ITPRID1: variants seen among roughly 807,000 people sequenced by gnomAD.
The protein encoded by ITPRID1 is ITPR interacting domain containing 1, also known as protein ITPRID1.
A neutral mutation model predicts 95.4 loss-of-function variants in ITPRID1; 96 were observed. The observed-to-expected ratio is 1.01, with a 90% CI of 0.85 to 1.19. ITPRID1 has a LOEUF of 1.19. Among genes scored for constraint, ITPRID1 ranks in the 50% most tolerant of loss-of-function variants. The pLI, the probability that ITPRID1 is intolerant of heterozygous loss-of-function variation, is 0.00. For missense variants in ITPRID1, 1,339 were observed against 1,252.9 expected, an observed-to-expected ratio of 1.07 and a Z score of -1.04; for synonymous variants, 510 against 453.6, an observed-to-expected ratio of 1.12 and a Z score of -1.58.
chr7:31,613,342 T>C (rs923320472), intron 10 of ITPRID1, among the ~76,000 whole-genome samples: 4 of 152,160 alleles, frequency 2.6e-5, no homozygotes, highest in Non-Finnish European at 5.9e-5. Context: ...TTTCTAGGGT[T>C]TTGAAAAAGT....
chr7:31,650,782 G>A (rs562205547), intron 12 of ITPRID1, among the ~76,000 whole-genome samples: 11 of 152,164 alleles, frequency 7.2e-5, no homozygotes, highest in Non-Finnish European at 1.2e-4. Flanking sequence ...AGTTAAACAA[G>A]ATTAAACAGA....
At chr7:31,556,201 G>C (rs539584554) in intron 5 of ITPRID1, among the ~76,000 whole-genome samples, 1 of 152,100 alleles carries the variant, frequency 6.6e-6, no homozygotes, top group East Asian at 1.9e-4. Flanking sequence ...CAGACATGAA[G>C]TAAAGACCTG....
chr7:31,563,986 A>G (rs1402593884), intron 5 of ITPRID1, among the ~76,000 whole-genome samples: 3 of 152,206 alleles, frequency 2.0e-5, no homozygotes, highest in Non-Finnish European at 4.4e-5. Flanking sequence ...AGTTAAATCT[A>G]CAGAAAGCTG....
intron 12 of ITPRID1, among the ~76,000 whole-genome samples, chr7:31,645,748 TCA>T (rs1196448872): frequency 6.6e-6 from 1 of 152,102 alleles, no homozygotes; most frequent in Non-Finnish European, 1.5e-5. Context: ...TTTTTAGTTG[TCA>T]CAACGGGAGG....
chr7:31,598,427 G>C (rs1476159234), intron 10 of ITPRID1, among the ~76,000 whole-genome samples: 5 of 127,160 alleles, frequency 3.9e-5, no homozygotes, highest in African/African-American at 1.6e-4. Context: ...TTTTTGAGAC[G>C]GAGTCTCGCT....
intron 1 of ITPRID1, among the ~76,000 whole-genome samples, chr7:31,544,551 T>C (rs1784035309): frequency 1.3e-5 from 2 of 152,104 alleles, no homozygotes; most frequent in African/African-American, 4.8e-5. Context: ...CCAAGAAGCT[T>C]TTTTTATACC....
At chr7:31,597,346 G>A (rs543265841) in intron 10 of ITPRID1, among the ~76,000 whole-genome samples, 1 of 151,912 alleles carries the variant, frequency 6.6e-6, no homozygotes, top group African/African-American at 2.4e-5. Flanking sequence ...TTGCAGACAA[G>A]ATAACTGTCT....
intron 10 of ITPRID1, among the ~76,000 whole-genome samples, chr7:31,622,353 G>T (rs1787996607): frequency 6.6e-6 from 1 of 152,020 alleles, no homozygotes; most frequent in African/African-American, 2.4e-5. Context: ...CCAGATAGTT[G>T]GAAGTAAAGC....
intron 14 of ITPRID1, 41 bp downstream of exon 14, chr7:31,652,091 A>G: frequency 7.4e-7 from 1 of 1,352,670 alleles, no homozygotes; most frequent in Non-Finnish European, 1.0e-6. Flanking sequence ...TATCCAGCCT[A>G]CCACAGGAGA....
intron 1 of ITPRID1, among the ~76,000 whole-genome samples, chr7:31,521,663 C>CTTTA (rs1562544827): frequency 8.3e-6 from 1 of 121,034 alleles, no homozygotes; most frequent in Admixed American, 8.5e-5. Context: ...TCCTTCCTTC[C>CTTTA]TTCCTTCCTT....
At chr7:31,618,715 C>T (rs191423295) in intron 10 of ITPRID1, among the ~76,000 whole-genome samples, 128 of 152,228 alleles carry the variant, frequency 8.4e-4, no homozygotes, top group Non-Finnish European at 1.6e-3. Context: ...AGTGAGGAAA[C>T]CAAGGCTCTT....
At chr7:31,651,116 T>C (rs1790906536) in intron 12 of ITPRID1, 26 bp from the exon 13 acceptor site, 2 of 1,605,988 alleles carry the variant, frequency 1.2e-6, no homozygotes. Context: ...AGGACTTTCT[T>C]CTCAGTTCTT....
At position 31,643,456 on chromosome 7, in the gene ITPRID1, G is replaced by A. The variant is rs1054318987; in HGVS notation, c.2086G>A (p.Glu696Lys). Residue 696 changes from glutamate to lysine, a missense_variant, in exon 12 of 15, where the codon GAA becomes AAA. Physicochemically the swap from Glu to Lys is moderately conservative, Grantham distance 56. Transcript: ENST00000615280. ...QILPGTEAEM[E>K]NLPLNTGSSR... ...ACTACCTGGGACAGAAGCTGAGATG[G>A]AAAACCTTCCTCTAAATACTGGCAG... The A allele has an allele frequency of 6.2e-7, 1 of 1,613,992 alleles. No homozygotes were observed. The highest frequency in any genetic ancestry group is 8.5e-7 in the Non-Finnish European group (1 of 1,179,892).
chr7:31,554,277 T>G (rs1421131361), intron 3 of ITPRID1, 198 bp from the exon 4 acceptor site: 1 of 972,674 alleles, frequency 1.0e-6, no homozygotes, highest in African/African-American at 1.6e-5. Context: ...TTGACAAGTT[T>G]ACACTTCATT....
At chr7:31,626,188 T>C (rs371517152) in intron 10 of ITPRID1, among the ~76,000 whole-genome samples, 23 of 152,346 alleles carry the variant, frequency 1.5e-4, no homozygotes, top group African/African-American at 5.5e-4. Flanking sequence ...TTGGGCTTTC[T>C]TTTTGTAAAA....
chr7:31,657,607 C>A (rs1791362578), downstream of ITPRID1, among the ~76,000 whole-genome samples: 1 of 152,156 alleles, frequency 6.6e-6, no homozygotes, highest in Non-Finnish European at 1.5e-5. Context: ...TGGCAAGAGC[C>A]CTTCTGCAGT....
intron 10 of ITPRID1, among the ~76,000 whole-genome samples, chr7:31,616,267 ATTTCTCTCTCTAAAAAATTATTGTAT>A (rs1488114534): frequency 6.6e-6 from 1 of 152,098 alleles, no homozygotes; most frequent in African/African-American, 2.4e-5. Context: ...GTTATTGCTA[ATTTCTCTCTCTAAAAAATTATTGTAT>A]TTATGGTTAT....
intron 12 of ITPRID1, among the ~76,000 whole-genome samples, chr7:31,645,301 C>T (rs557694753): frequency 7.2e-4 from 109 of 152,244 alleles, no homozygotes; most frequent in Admixed American, 2.5e-3. Context: ...AATCACATTA[C>T]ATAAATGTGA....
At chr7:31,656,999 T>G (rs34125), downstream of ITPRID1, among the ~76,000 whole-genome samples, 1 of 149,796 alleles carries the variant, frequency 6.7e-6, no homozygotes, top group Non-Finnish European at 1.5e-5. Flanking sequence ...GACTGAATTA[T>G]ACCACTGGCT....
Sources: allele counts gnomAD v4.1 joint callset (sites outside exome capture counted in the v4.1 genomes callset), GRCh38; gene constraint gnomAD v4.1.1; transcripts MANE v1.5; gene names NCBI Gene and HGNC (gene_info 2026-07-23, HGNC 2026-07-21).